Variants in GLYATL1 observed in about 807,000 individuals in gnomAD.
GLYATL1 encodes the protein glycine N-acyltransferase-like protein 1.
Under a neutral mutation model 20.0 loss-of-function variants are expected in GLYATL1, and 15 were observed. That is an observed-to-expected ratio of 0.75 (90% CI 0.50 to 1.15). The LOEUF is 1.15. Ranked by LOEUF, GLYATL1 falls within the 50% of genes most tolerant of loss-of-function variation. The pLI, the probability that GLYATL1 is intolerant of heterozygous loss-of-function variation, is 0.00. For missense variants in GLYATL1, 380 were observed against 368.5 expected (o/e 1.03, Z -0.26); for synonymous variants, 151 against 131.5 (o/e 1.15, Z -1.01).
At position 58,917,462 on chromosome 11, in the gene GLYATL1, C is replaced by T. The variant is rs562457708; in HGVS notation, n.264+11801C>T. Among the ~76,000 whole-genome samples the T allele has an allele frequency of 5.3e-5, 8 of 152,298 alleles. No homozygotes were observed. In the South Asian group the frequency reaches 8.3e-4, roughly 16 times the overall value. On this transcript the variant is annotated intron_variant and non_coding_transcript_variant, in intron 1 of 2. Coordinates refer to the GLYATL1 transcript ENST00000534674. ...TGAAATAAGTTTACGGTGGCAAAAA[C>T]GTAGTGGCATGCAAGCAAGGATACA... is the stretch of plus-strand genomic sequence containing the variant.
chr11:58,926,974 T>A (rs1373001958), upstream of GLYATL1, among the ~76,000 whole-genome samples: 1 of 152,224 alleles, frequency 6.6e-6, no homozygotes, highest in Non-Finnish European at 1.5e-5. Flanking sequence ...TCAAAGACTA[T>A]CTGTAATCAG....
Position 58,955,196 on chromosome 11 carries a change from G to C in GLYATL1, c.334G>C (p.Glu112Gln). Residue 112 changes from glutamate (E) to glutamine (Q), a missense_variant, in exon 6 of 7, where the codon GAG (glutamate) becomes CAG (glutamine). Transcript: ENST00000532726. ...QIQGLQESLGEGIRVATFSKS... is the reference protein window; with the variant it reads ...QIQGLQESLGQGIRVATFSKS... ...CCCAGGTCTTCAAGAAAGTTTAGGT[G>C]AGGGGATAAGAGTGGCTACATTTTC... 5 of 1,613,396 alleles carry C rather than the reference G, an allele frequency of 3.1e-6. No homozygotes were observed. The highest frequency in any genetic ancestry group is 3.4e-6 in the Non-Finnish European group (4 of 1,179,772).
intron 2 of GLYATL1, among the ~76,000 whole-genome samples, chr11:58,945,513 T>C (rs1014144140): frequency 2.0e-5 from 3 of 152,200 alleles, no homozygotes; most frequent in African/African-American, 7.2e-5. Flanking sequence ...ATTGTTCTCA[T>C]GTATCAGCCC....
intron 1 of GLYATL1, among the ~76,000 whole-genome samples, chr11:58,917,518 T>C (rs1302052716): frequency 1.3e-5 from 2 of 152,238 alleles, no homozygotes; most frequent in South Asian, 2.1e-4. Context: ...AATCAAGTTG[T>C]GACAGGTGTA....
upstream of GLYATL1, among the ~76,000 whole-genome samples, chr11:58,926,051 T>C (rs566428862): frequency 3.4e-4 from 52 of 152,336 alleles, 1 homozygote; most frequent in East Asian, 8.9e-3. Context: ...AAATGAGTGT[T>C]ATTATCAATG....
At chr11:58,942,826 T>C (rs1565128265) in intron 1 of GLYATL1, among the ~76,000 whole-genome samples, 1 of 151,962 alleles carries the variant, frequency 6.6e-6, no homozygotes, top group Non-Finnish European at 1.5e-5. Context: ...ATTAAGAAAC[T>C]GGGGAGGAAA....
chr11:58,923,065 A>G (rs1409189864), upstream of GLYATL1, among the ~76,000 whole-genome samples: 1 of 152,096 alleles, frequency 6.6e-6, no homozygotes, highest in Non-Finnish European at 1.5e-5. Context: ...GGGTCTCAAT[A>G]ATTTTCTTCC....
chr11:58,917,947 T>C (rs1464890835), intron 1 of GLYATL1, among the ~76,000 whole-genome samples: 2 of 152,212 alleles, frequency 1.3e-5, no homozygotes, highest in Non-Finnish European at 2.9e-5. Context: ...CATGTTTTGC[T>C]CTTTTAAATT....
chr11:58,925,595 T>A (rs963912253), upstream of GLYATL1, among the ~76,000 whole-genome samples: 1 of 152,220 alleles, frequency 6.6e-6, no homozygotes, highest in African/African-American at 2.4e-5. Flanking sequence ...TATTTCTCTT[T>A]CTAGGGGTGG....
chr11:58,937,625 A>G (rs1162176372), upstream of GLYATL1, among the ~76,000 whole-genome samples: 3 of 152,206 alleles, frequency 2.0e-5, no homozygotes, highest in Non-Finnish European at 4.4e-5. Flanking sequence ...CGTGCCTGAA[A>G]CAAACATGAT....
chr11:58,943,851 G>A (rs1856363219), intron 2 of GLYATL1, among the ~76,000 whole-genome samples, 185 bp downstream of exon 2: 1 of 152,146 alleles, frequency 6.6e-6, no homozygotes, highest in Admixed American at 6.5e-5. Context: ...ACATCTCACT[G>A]GGTCAGAAAG....
chr11:58,949,958 C>T (rs1453438247), intron 4 of GLYATL1, among the ~76,000 whole-genome samples: 1 of 151,592 alleles, frequency 6.6e-6, no homozygotes, highest in Non-Finnish European at 1.5e-5. Context: ...ACCTCCCCTC[C>T]CCTCCTCTCC....
chr11:58,943,564 G>C lies in GLYATL1; in HGVS notation c.-145G>C. The stretch of plus-strand genomic sequence containing the variant: ...TCAGATGGTGTCACAAGAAGGATCT[G>C]AAGTGGAGCTTCTAGTATCCCCAGG... On this transcript the variant is annotated 5_prime_UTR_variant, in exon 2 of 7. The change abolishes the stop of an existing upstream ORF in the 5' untranslated region. Transcript: ENST00000532726. The C allele has an allele frequency of 6.2e-7, 1 of 1,613,358 alleles. No homozygotes were observed. The highest frequency in any genetic ancestry group is 2.2e-5 in the East Asian group (1 of 44,876).
chr11:58,955,254 T>C lies in GLYATL1; in HGVS notation c.392T>C (p.Leu131Pro). 6.2e-7 allele frequency: 1 copy of C among 1,614,110 alleles called. No individual in the cohort carries two copies. Among genetic ancestry groups the C allele is most frequent in the South Asian group, 1.1e-5 (1 of 91,086 alleles). ...GTGAAAGTAGAGCATTCGAGAGCAC[T>C]CCTCTTGGTTACGGAAGATATTCTG... ...KSVKVEHSRA[L>P]LLVTEDILKL... Residue 131 changes from leucine (L) to proline (P), a missense_variant, in exon 6 of 7, where the codon CTC becomes CCC. Physicochemically the swap from Leu to Pro is moderately conservative, Grantham distance 98. Transcript: ENST00000532726.
Position 58,954,781 on chromosome 11 carries a change from T to C in GLYATL1, c.198T>C (p.Asp66=). The change falls in exon 5 of 7, where the codon GAT becomes GAC. Residue 66 remains aspartate, a synonymous_variant. Transcript: ENST00000532726. The part of the protein sequence containing the change: ...IIRPQKQEMT[D]DMDSYTNVYR... Reference sequence around the variant, plus strand: ...ATCATCCAATACAGGAGATGACTGATGACATGGATTCATACACAAACGTAT... The same window carrying C: ...ATCATCCAATACAGGAGATGACTGACGACATGGATTCATACACAAACGTAT... 2 of 1,605,200 alleles carry C rather than the reference T, an allele frequency of 1.2e-6. No homozygotes were observed. The highest frequency in any genetic ancestry group is 1.7e-6 in the Non-Finnish European group (2 of 1,177,394).
chr11:58,916,577 C>G (rs1189336633), intron 1 of GLYATL1, among the ~76,000 whole-genome samples: 2 of 152,234 alleles, frequency 1.3e-5, no homozygotes, highest in African/African-American at 4.8e-5. Flanking sequence ...ACAGTGCAAT[C>G]TGGGACTGGC....
downstream of GLYATL1, among the ~76,000 whole-genome samples, chr11:58,913,243 A>T (rs1442105495): frequency 4.6e-5 from 7 of 152,010 alleles, no homozygotes; most frequent in Admixed American, 4.6e-4. Flanking sequence ...TTCCACAGGC[A>T]TCCAGGCTAA....
chr11:58,956,044 G>C lies in GLYATL1; in HGVS notation c.*17G>C. 1 of 1,599,496 alleles carries C rather than the reference G, an allele frequency of 6.3e-7. No homozygotes were observed. The highest frequency in any genetic ancestry group is 1.7e-5 in the Admixed American group (1 of 59,476). On this transcript the variant is annotated 3_prime_UTR_variant, in exon 7 of 7. Coordinates refer to ENST00000532726, the MANE Select transcript of GLYATL1 (RefSeq NM_001389712.2). ...CCATTTTAGACAATGAAGCTGCTTA[G>C]TAATCTCTGCCAAGCCATCTCTTAA...
upstream of GLYATL1, among the ~76,000 whole-genome samples, chr11:58,939,242 T>C (rs1029335854): frequency 7.2e-5 from 11 of 152,194 alleles, no homozygotes; most frequent in Non-Finnish European, 1.2e-4. Flanking sequence ...TTAGGTCGCC[T>C]GAGTTCCTGT....
Sources: gnomAD v4.1 joint callset for allele counts (sites outside exome capture counted in the v4.1 genomes callset) on GRCh38, gnomAD v4.1.1 for gene constraint, MANE v1.5 for transcripts, NCBI Gene and HGNC (gene_info 2026-07-23, HGNC 2026-07-21) for gene names.